PLCXD3: variants seen among roughly 807,000 people sequenced by gnomAD.
The protein encoded by PLCXD3 is PI-PLC X domain-containing protein 3.
PLCXD3 carries 19 observed loss-of-function variants against 25.5 expected under a neutral mutation model. The observed-to-expected ratio is 0.75, with a 90% CI of 0.52 to 1.09. The LOEUF (loss-of-function observed/expected upper bound fraction) is 1.09, where lower values mean the gene tolerates loss of function less well. Among genes scored for constraint, PLCXD3 ranks in the 50% least tolerant of loss-of-function variants. The pLI is 0.00. For synonymous variants in PLCXD3, 174 were observed against 137.6 expected (o/e 1.26, Z -1.85); for missense variants, 411 against 388.1 (o/e 1.06, Z -0.50).
chr5:41,499,536 G>C (rs1268283540), intron 1 of PLCXD3, among the ~76,000 whole-genome samples: 8 of 151,734 alleles, frequency 5.3e-5, no homozygotes, highest in East Asian at 1.9e-4. Context: ...TCATGGACTG[G>C]AAGACTTAAT....
At chr5:41,352,933 TAAAG>T (rs1744511398) in intron 2 of PLCXD3, among the ~76,000 whole-genome samples, 1 of 152,206 alleles carries the variant, frequency 6.6e-6, no homozygotes, top group Non-Finnish European at 1.5e-5. Flanking sequence ...TGAAAAATCT[TAAAG>T]AGCAAGAAAA....
At chr5:41,337,121 G>A (rs771840115) in intron 2 of PLCXD3, among the ~76,000 whole-genome samples, 3 of 152,044 alleles carry the variant, frequency 2.0e-5, no homozygotes, top group Non-Finnish European at 4.4e-5. Context: ...AGTGTGTTTT[G>A]TGGTGGTCAA....
At chr5:41,472,189 C>T (rs559523734) in intron 1 of PLCXD3, among the ~76,000 whole-genome samples, 13 of 151,718 alleles carry the variant, frequency 8.6e-5, no homozygotes, top group African/African-American at 2.9e-4. Context: ...ATACTTAGGC[C>T]TATGACAAGA....
intron 2 of PLCXD3, among the ~76,000 whole-genome samples, chr5:41,345,876 C>CT (rs202046569): frequency 0.054 from 7,325 of 134,850 alleles, 254 homozygotes; most frequent in Middle Eastern, 0.074. Flanking sequence ...TTTTTCTTTT[C>CT]TTTTTTTTAT....
At chr5:41,406,723 C>G (rs1361150782) in intron 1 of PLCXD3, among the ~76,000 whole-genome samples, 1 of 152,140 alleles carries the variant, frequency 6.6e-6, no homozygotes, top group Non-Finnish European at 1.5e-5. Flanking sequence ...TTGATTCAAT[C>G]CTCTGTAGCT....
At chr5:41,402,605 A>G (rs534574104) in intron 1 of PLCXD3, among the ~76,000 whole-genome samples, 1 of 152,034 alleles carries the variant, frequency 6.6e-6, no homozygotes, top group Non-Finnish European at 1.5e-5. Flanking sequence ...CAAGTCTTCC[A>G]TATCTCTATT....
intron 1 of PLCXD3, among the ~76,000 whole-genome samples, chr5:41,460,224 T>C (rs887625202): frequency 1.9e-4 from 29 of 151,938 alleles, no homozygotes; most frequent in Non-Finnish European, 5.9e-5. Context: ...AGCACTCCAG[T>C]GTCTATCATA....
At chr5:41,319,308 A>T (rs1361390878) in intron 2 of PLCXD3, among the ~76,000 whole-genome samples, 1 of 152,206 alleles carries the variant, frequency 6.6e-6, no homozygotes, top group Non-Finnish European at 1.5e-5. Flanking sequence ...TTCAGGATAC[A>T]CATTTTTTTC....
chr5:41,435,021 A>T lies in PLCXD3; in HGVS notation c.104-52487T>A, dbSNP rs368413675. Among the ~76,000 whole-genome samples, 28 of 152,360 alleles carry T rather than the reference A, an allele frequency of 1.8e-4. No individual in the cohort carries two copies. In the South Asian group the frequency reaches 5.6e-3, roughly 30 times the overall value. ...AACATGAAGAAAATTTTAAAATTACATATAGTGTCACCATTCAAAGCAAGT... is the reference window on the plus strand; with the variant it reads ...AACATGAAGAAAATTTTAAAATTACTTATAGTGTCACCATTCAAAGCAAGT... On this transcript the variant is annotated intron_variant, in intron 1 of 2. Coordinates refer to ENST00000377801, the MANE Select transcript of PLCXD3 (RefSeq NM_001005473.3).
intron 2 of PLCXD3, among the ~76,000 whole-genome samples, chr5:41,342,873 G>A (rs753600887): frequency 2.0e-5 from 3 of 152,186 alleles, no homozygotes; most frequent in Non-Finnish European, 2.9e-5. Flanking sequence ...AAACAATGAT[G>A]CCTCCTTTTT....
At chr5:41,388,646 C>A (rs923803748) in intron 1 of PLCXD3, among the ~76,000 whole-genome samples, 4 of 151,960 alleles carry the variant, frequency 2.6e-5, no homozygotes, top group Admixed American at 6.6e-5. Context: ...TAAAAAAGGA[C>A]CAGACTAAAG....
At chr5:41,439,692 T>C (rs1359065455) in intron 1 of PLCXD3, among the ~76,000 whole-genome samples, 3 of 152,194 alleles carry the variant, frequency 2.0e-5, no homozygotes, top group Non-Finnish European at 2.9e-5. Context: ...AAATTCATCT[T>C]GTTTAAGTTA....
At chr5:41,434,550 G>T (rs1747192634) in intron 1 of PLCXD3, among the ~76,000 whole-genome samples, 2 of 152,118 alleles carry the variant, frequency 1.3e-5, no homozygotes, top group Non-Finnish European at 2.9e-5. Context: ...GGCACAATTG[G>T]TATAGGAGCC....
At chr5:41,391,950 T>C (rs1038195312) in intron 1 of PLCXD3, among the ~76,000 whole-genome samples, 8 of 152,016 alleles carry the variant, frequency 5.3e-5, no homozygotes, top group Non-Finnish European at 4.4e-5. Context: ...GTGGTGGCTA[T>C]GGATGAGGTT....
At chr5:41,439,178 T>G (rs563973401) in intron 1 of PLCXD3, among the ~76,000 whole-genome samples, 7 of 152,270 alleles carry the variant, frequency 4.6e-5, no homozygotes, top group African/African-American at 9.6e-5. Flanking sequence ...ATTTCCTGCA[T>G]GGGTCATGAA....
intron 2 of PLCXD3, among the ~76,000 whole-genome samples, chr5:41,325,327 A>T (rs1743596442): frequency 6.6e-6 from 1 of 152,218 alleles, no homozygotes; most frequent in Non-Finnish European, 1.5e-5. Context: ...AATCTCAAAT[A>T]CTCAGACAGT....
At chr5:41,420,136 A>G (rs1310196537) in intron 1 of PLCXD3, among the ~76,000 whole-genome samples, 1 of 152,248 alleles carries the variant, frequency 6.6e-6, no homozygotes, top group African/African-American at 2.4e-5. Context: ...GATTGCACCT[A>G]TATCAAGTAT....
chr5:41,398,073 T>C (rs938835524), intron 1 of PLCXD3, among the ~76,000 whole-genome samples: 5 of 152,152 alleles, frequency 3.3e-5, no homozygotes, highest in African/African-American at 9.7e-5. Flanking sequence ...AGTTAAAACA[T>C]TGGAGGACTG....
chr5:41,475,120 G>T (rs948380815), intron 1 of PLCXD3, among the ~76,000 whole-genome samples: 1 of 151,974 alleles, frequency 6.6e-6, no homozygotes, highest in Non-Finnish European at 1.5e-5. Flanking sequence ...ACAAAAAGAT[G>T]GTATGTACCA....
Sources: allele counts gnomAD v4.1 joint callset (sites outside exome capture counted in the v4.1 genomes callset), GRCh38; gene constraint gnomAD v4.1.1; transcripts MANE v1.5; gene names NCBI Gene and HGNC (gene_info 2026-07-23, HGNC 2026-07-21).